The following CDH2 variants were observed in gnomAD, a reference collection of about 807,000 sequenced individuals.
CDH2 encodes cadherin 2.
CDH2 carries 17 observed loss-of-function variants against 92.0 expected under a neutral mutation model. That is an observed-to-expected ratio of 0.18 (90% CI 0.13 to 0.28). The LOEUF (loss-of-function observed/expected upper bound fraction) is 0.28, where lower values mean the gene tolerates loss of function less well. Ranked by LOEUF, CDH2 falls within the 10% of genes least tolerant of loss-of-function variation. The pLI, the probability that CDH2 is intolerant of heterozygous loss-of-function variation, is 1.00. For synonymous variants in CDH2, 419 were observed against 415.9 expected, an observed-to-expected ratio of 1.01 and a Z score of -0.09; for missense variants, 862 against 1,133.1, an observed-to-expected ratio of 0.76 and a Z score of 3.44.
In CDH2 at chr18:27,998,835, G is replaced by C. The variant is rs575614977; in HGVS notation, c.1020+4162C>G. 1.4e-4 allele frequency among the ~76,000 whole-genome samples: 21 copies of C among 152,320 alleles called. 1 individual carries two copies. Among genetic ancestry groups the C allele is most frequent in the Admixed American group, 1.4e-3 (21 of 15,302 alleles). On this transcript the variant is annotated intron_variant, in intron 7 of 15. Coordinates refer to ENST00000269141, the MANE Select transcript of CDH2 (RefSeq NM_001792.5). Reference sequence around the variant, plus strand: ...GGGTTTCGCCATGTGGCCCAGGCTGGTCTCAAACTCCTAGGCTCAACTGAT... The same window carrying C: ...GGGTTTCGCCATGTGGCCCAGGCTGCTCTCAAACTCCTAGGCTCAACTGAT...
At position 28,150,696 on chromosome 18, in the gene CDH2, G is replaced by A. The variant is rs531612178; in HGVS notation, c.61-2912C>T. 1.1e-4 allele frequency among the ~76,000 whole-genome samples: 17 copies of A among 152,160 alleles called. No homozygotes were observed. The South Asian group carries it at 3.5e-3, about 32-fold the overall frequency. On this transcript the variant is annotated intron_variant, in intron 1 of 15. Transcript: ENST00000269141. ...TTAAAGCACATCTCTAATGAATACT[G>A]ACTACTAATATTAAATATCCATGGA...
chr18:27,983,035 C>T lies in CDH2; in HGVS notation c.2258G>A (p.Arg753His), dbSNP rs747560192. The T allele has an allele frequency of 1.9e-6, 3 of 1,612,284 alleles. No individual in the cohort carries two copies. The highest frequency in any genetic ancestry group is 1.1e-5 in the South Asian group (1 of 90,924). The change falls in exon 14 of 16, where the codon CGC becomes CAC. Residue 753 changes from arginine to histidine, a missense_variant. By Grantham distance (29) the Arg-to-His change is conservative. Around this residue, in one of 5 missense-constraint regions of CDH2, gnomAD observed 564 missense variants for 722.2 expected, o/e 0.78. Transcript: ENST00000269141. ...VVWMKRRDKERQAKQLLIDPE... is the reference protein window; with the variant it reads ...VVWMKRRDKEHQAKQLLIDPE... ...ATCAATTAAAAGTTGTTTGGCCTGG[C>T]GTTCTTTATCCCGGCGTTTCATCCA... is the stretch of plus-strand genomic sequence containing the variant.
chr18:27,947,465 C>T (rs920622495), downstream of CDH2, among the ~76,000 whole-genome samples: 2 of 151,158 alleles, frequency 1.3e-5, no homozygotes, highest in African/African-American at 4.9e-5. Context: ...TGGAACTTCA[C>T]AAAATAATTC....
rs190756962 is a variant in CDH2 at position 28,166,107 on chromosome 18, T to C, written c.60+10856A>G. On this transcript the variant is annotated intron_variant, in intron 1 of 15. Coordinates refer to ENST00000269141, the MANE Select transcript of CDH2 (RefSeq NM_001792.5). Reference sequence around the variant, plus strand: ...TTGGAGGTGGACAGGTCTCAATTTATATGACTGCTTACCTACCAAAGAGGA... The same window carrying C: ...TTGGAGGTGGACAGGTCTCAATTTACATGACTGCTTACCTACCAAAGAGGA... Among the ~76,000 whole-genome samples, 169 of 130,258 alleles carry C rather than the reference T, an allele frequency of 1.3e-3. 2 individuals carry two copies. The East Asian group carries it at 0.029, about 22-fold the overall frequency. The allele number at this position is 130,258 out of a possible 152,430, so 85.5% of individuals were successfully genotyped here. A position where few individuals can be genotyped will look rare whatever the true frequency, so the allele number is the denominator to read the frequency against.
intron 7 of CDH2, among the ~76,000 whole-genome samples, chr18:27,996,385 G>A (rs568969048): frequency 1.2e-4 from 19 of 152,246 alleles, no homozygotes; most frequent in African/African-American, 4.3e-4. Context: ...AACAGCCTAT[G>A]ATGCACAAGA....
chr18:28,047,919 G>A (rs1003591485), intron 2 of CDH2, among the ~76,000 whole-genome samples: 1 of 147,980 alleles, frequency 6.8e-6, no homozygotes, highest in African/African-American at 2.5e-5. Context: ...AGTTTGAATT[G>A]TGATATGTTT....
chr18:27,959,042 T>A (rs937136301), intron 15 of CDH2, among the ~76,000 whole-genome samples: 409 of 152,166 alleles, frequency 2.7e-3, no homozygotes, highest in African/African-American at 9.3e-3. Context: ...AACAGAAAAA[T>A]ACACGTATAT....
intron 6 of CDH2, among the ~76,000 whole-genome samples, chr18:27,941,000 C>T (rs1909122657): frequency 6.7e-6 from 1 of 149,122 alleles, no homozygotes; most frequent in African/African-American, 2.5e-5. Flanking sequence ...GAGATACATA[C>T]ATACATAGCT....
intron 2 of CDH2, among the ~76,000 whole-genome samples, chr18:28,121,488 C>T (rs1462121100): frequency 6.6e-6 from 1 of 152,042 alleles, no homozygotes; most frequent in African/African-American, 2.4e-5. Context: ...ACAATTCAGG[C>T]CTCAGCTTTC....
intron 2 of CDH2, among the ~76,000 whole-genome samples, chr18:28,114,980 CTCAACCGTTT>C (rs2015472551): frequency 6.6e-6 from 1 of 152,080 alleles, no homozygotes; most frequent in African/African-American, 2.4e-5. Context: ...CCTTGTTGTT[CTCAACCGTTT>C]TCTTGCCCAG....
At position 28,058,728 on chromosome 18, in the gene CDH2, T is replaced by TA. The variant is rs553461486; in HGVS notation, c.173-44820dup. ...TTAGTGTTAATATTAGCAACATCCC[T>TA]AATCCGACTGTTTATTTAAATTTTC... is the stretch of plus-strand genomic sequence containing the variant. On this transcript the variant is annotated intron_variant, in intron 2 of 15. Coordinates refer to ENST00000269141, the MANE Select transcript of CDH2 (RefSeq NM_001792.5). Among the ~76,000 whole-genome samples the TA allele has an allele frequency of 3.9e-3, 589 of 152,336 alleles. 2 individuals are homozygous for TA. Among genetic ancestry groups the TA allele is most frequent in the South Asian group, 8.7e-3 (42 of 4,830 alleles).
At chr18:28,012,227 GC>G (rs1233689341) in intron 3 of CDH2, among the ~76,000 whole-genome samples, 3 of 152,116 alleles carry the variant, frequency 2.0e-5, no homozygotes, top group Admixed American at 2.0e-4. Context: ...ATATGGCACA[GC>G]TGTGTAAACT....
chr18:28,169,110 A>G (rs2016427612), intron 1 of CDH2, among the ~76,000 whole-genome samples: 1 of 152,148 alleles, frequency 6.6e-6, no homozygotes, highest in African/African-American at 2.4e-5. Flanking sequence ...AAAAATACTT[A>G]ATTTCTGAGG....
intron 1 of CDH2, among the ~76,000 whole-genome samples, chr18:28,160,320 G>T (rs2016288101): frequency 1.3e-5 from 2 of 152,110 alleles, no homozygotes. Context: ...CTTGGCAATG[G>T]TCTAAGGTAG....
intron 2 of CDH2, among the ~76,000 whole-genome samples, chr18:28,082,990 T>A (rs954377744): frequency 4.6e-5 from 7 of 152,156 alleles, no homozygotes; most frequent in Non-Finnish European, 8.8e-5. Context: ...TTGATTACCC[T>A]AAAAGCAAGT....
At chr18:28,043,466 ATATATATATATATATAT>A (rs2013994384) in intron 2 of CDH2, among the ~76,000 whole-genome samples, 5 of 83,024 alleles carry the variant, frequency 6.0e-5, no homozygotes, top group African/African-American at 3.4e-4. Flanking sequence ...AAATAAATAT[ATATATATATATATATAT>A]ATATATATAT....
intron 2 of CDH2, among the ~76,000 whole-genome samples, chr18:28,079,009 G>C (rs2014778363): frequency 6.6e-6 from 1 of 152,090 alleles, no homozygotes; most frequent in African/African-American, 2.4e-5. Context: ...ATGGGCTGTT[G>C]GTTCCTTAAG....
intron 2 of CDH2, among the ~76,000 whole-genome samples, chr18:28,130,661 C>G (rs764482070): frequency 4.6e-5 from 7 of 152,204 alleles, no homozygotes; most frequent in African/African-American, 1.4e-4. Context: ...CAGGCCTCTT[C>G]CAGGGAGCCC....
At chr18:27,961,789 G>T (rs1005526577) in intron 15 of CDH2, among the ~76,000 whole-genome samples, 1 of 152,016 alleles carries the variant, frequency 6.6e-6, no homozygotes, top group Non-Finnish European at 1.5e-5. Context: ...ACTTAAGCTA[G>T]AATTCTGGCT....
Sources: allele counts gnomAD v4.1 joint callset (sites outside exome capture counted in the v4.1 genomes callset), GRCh38; gene constraint gnomAD v4.1.1; regional missense constraint gnomAD v4.1.1; transcripts MANE v1.5; gene names NCBI Gene and HGNC (gene_info 2026-07-23, HGNC 2026-07-21).